The following KANSL3 variants were observed in gnomAD, a reference collection of about 807,000 sequenced individuals.
KANSL3 encodes NSL complex protein NSL3.
A neutral mutation model predicts 89.2 loss-of-function variants in KANSL3; 16 were observed. The observed-to-expected ratio is 0.18, with a 90% CI of 0.12 to 0.27. KANSL3 has a LOEUF of 0.27. Among genes scored for constraint, KANSL3 ranks in the 10% least tolerant of loss-of-function variants. The probability of loss-of-function intolerance (pLI) is 1.00; values close to 1 mark genes in which losing one functional copy is unlikely to be tolerated. For missense variants in KANSL3, 879 were observed against 1,110.6 expected, an observed-to-expected ratio of 0.79 and a Z score of 2.96; for synonymous variants, 385 against 419.7, an observed-to-expected ratio of 0.92 and a Z score of 1.01.
At chr2:96,599,586 TAA>T (rs1314160209) in intron 20 of KANSL3, 1 of 158,138 alleles carries the variant, frequency 6.3e-6, no homozygotes, top group Non-Finnish European at 1.4e-5. Flanking sequence ...GATCTAGAAA[TAA>T]AAGTTAAAAG....
intron 5 of KANSL3, chr2:96,615,641 G>C (rs534365255): frequency 8.4e-6 from 4 of 477,298 alleles, no homozygotes; most frequent in Non-Finnish European, 1.1e-5. Context: ...ACGGTTTGAT[G>C]CAAGTTGTAA....
chr2:96,616,241 C>A (rs1289565436), intron 5 of KANSL3, among the ~76,000 whole-genome samples: 3 of 152,238 alleles, frequency 2.0e-5, no homozygotes, highest in Non-Finnish European at 4.4e-5. Flanking sequence ...CACTCTAGAA[C>A]TGTGAGCCAC....
chr2:96,609,116 G>A (rs975266112), intron 12 of KANSL3, 52 bp from the exon 13 acceptor site: 2 of 1,460,968 alleles, frequency 1.4e-6, no homozygotes, highest in Non-Finnish European at 1.9e-6. Context: ...CTGGAGAATG[G>A]GAACCTCTCA....
the KANSL3 span, among the ~76,000 whole-genome samples, chr2:96,585,018 C>T: frequency 3.9e-5 from 6 of 152,264 alleles, no homozygotes; most frequent in Middle Eastern, 3.4e-3. Context: ...TCAAACGCTG[C>T]GGTGGATGTG....
chr2:96,613,462 G>A (rs2069384390), intron 6 of KANSL3, 26 bp downstream of exon 6: 6 of 1,593,214 alleles, frequency 3.8e-6, no homozygotes, highest in Non-Finnish European at 5.1e-6. Context: ...ATGTACCATT[G>A]TTAAGTCCTG....
chr2:96,602,943 C>A (rs1477237257), intron 17 of KANSL3, 81 bp from the exon 18 acceptor site: 2 of 1,320,028 alleles, frequency 1.5e-6, no homozygotes, highest in East Asian at 2.3e-5. Context: ...TCCACCCTCA[C>A]CACCAACTAA....
At chr2:96,604,984 G>C in intron 15 of KANSL3, 121 bp from the exon 16 acceptor site, 1 of 790,334 alleles carries the variant, frequency 1.3e-6, no homozygotes, top group Admixed American at 2.9e-5. Flanking sequence ...GAAAAAAGAT[G>C]AACTATGCTA....
At chr2:96,633,791 G>A (rs1255661575) in intron 2 of KANSL3, among the ~76,000 whole-genome samples, 2 of 152,036 alleles carry the variant, frequency 1.3e-5, no homozygotes, top group African/African-American at 2.4e-5. Context: ...CTTGAATCCG[G>A]GAGGCGGAGG....
rs2105017719 is a variant in KANSL3 at position 96,601,655 on chromosome 2, G to A, written c.2604C>T (p.Pro868=). The change falls in exon 20 of 21, where the codon CCC becomes CCT. Residue 868 remains proline, a synonymous_variant. Transcript: ENST00000431828. ...PSEESSSQVL[P]SSSQRLPPAP is the part of the protein sequence containing the mutation. Reference sequence around the variant, plus strand: ...CTGGCAGACTCACCTGTGAGCTGGAGGGCAGCACCTGGGAAGAGGACTCCT... The same window carrying A: ...CTGGCAGACTCACCTGTGAGCTGGAAGGCAGCACCTGGGAAGAGGACTCCT... 1 of 1,613,538 alleles carries A rather than the reference G, an allele frequency of 6.2e-7. No individual in the cohort carries two copies. Among genetic ancestry groups the A allele is most frequent in the Non-Finnish European group, 8.5e-7 (1 of 1,179,716 alleles).
rs1246236976 is a variant in KANSL3 at position 96,605,400 on chromosome 2, G to C, written c.1853C>G (p.Pro618Arg). ...PLPGSKTSKRPKIKVSLISQG... is the reference protein window; with the variant it reads ...PLPGSKTSKRRKIKVSLISQG... ...GGAGATAAGGGACACCTTGATCTTC[G>C]GTCGTTTGGAGGTCTTACTGCCAGG... Residue 618 changes from proline (P) to arginine (R), a missense_variant, in exon 15 of 21, where the codon CCG becomes CGG. By Grantham distance (103) the Pro-to-Arg change is moderately radical. Around this residue, in one of 6 missense-constraint regions of KANSL3, gnomAD observed 317 missense variants for 311.2 expected, o/e 1.02. Coordinates refer to ENST00000431828, the MANE Select transcript of KANSL3 (RefSeq NM_001115016.3). 2 of 1,613,910 alleles carry C rather than the reference G, an allele frequency of 1.2e-6. No homozygotes were observed. Among genetic ancestry groups the C allele is most frequent in the East Asian group, 2.2e-5 (1 of 44,888 alleles).
At chr2:96,583,801 T>G in the KANSL3 span, among the ~76,000 whole-genome samples, 2 of 152,226 alleles carry the variant, frequency 1.3e-5, no homozygotes, top group African/African-American at 4.8e-5. Context: ...GCTCAAACAG[T>G]TCTTCAAAGT....
intron 3 of KANSL3, among the ~76,000 whole-genome samples, chr2:96,623,123 C>T (rs2071614086): frequency 6.6e-6 from 1 of 152,192 alleles, no homozygotes; most frequent in Admixed American, 6.5e-5. Flanking sequence ...GCACATAAAA[C>T]AGAGCCTCAC....
chr2:96,587,545 G>A, the KANSL3 span, among the ~76,000 whole-genome samples: 3 of 152,160 alleles, frequency 2.0e-5, no homozygotes, highest in African/African-American at 4.8e-5. Context: ...GTCAGATGAG[G>A]CCTGCTAAAA....
At chr2:96,601,280 T>C in intron 20 of KANSL3, 1 of 979,462 alleles carries the variant, frequency 1.0e-6, no homozygotes, top group Non-Finnish European at 1.2e-6. Flanking sequence ...AAAATAAAAA[T>C]AAAAACAAAG....
At position 96,612,946 on chromosome 2, in the gene KANSL3, G is replaced by T; in HGVS notation, c.796-12C>A. ...CCAGGGAGTTTGCTCTAAAGAGGAA[G>T]AATCCCACCCAAAAACCAGTGAGTG... On this transcript the variant is annotated splice_polypyrimidine_tract_variant and intron_variant, in intron 6 of 20. Transcript: ENST00000431828. 1.3e-6 allele frequency: 2 copies of T among 1,529,850 alleles called. No individual in the cohort carries two copies. Among genetic ancestry groups the T allele is most frequent in the Non-Finnish European group, 1.8e-6 (2 of 1,126,596 alleles). 94.8% of individuals were successfully genotyped at this position (1,529,850 alleles called of 1,614,324 possible). A position where few individuals can be genotyped will look rare whatever the true frequency, so the allele number is the denominator to read the frequency against.
chr2:96,637,048 G>A lies in KANSL3; in HGVS notation c.88C>T (p.Arg30Trp), dbSNP rs2074342489. ...SLLFQLSVHE[R>W]ELDLVFLDHS... ...TCCAGAAAAACCAGGTCCAGCTCCC[G>A]TTCATGCACTGAAAGCTGGAAGAGC... Residue 30 changes from arginine to tryptophan, a missense_variant, in exon 2 of 21, where the codon CGG (arginine) becomes TGG (tryptophan). Around this residue, in one of 6 missense-constraint regions of KANSL3, gnomAD observed 210 missense variants for 311.9 expected, o/e 0.67. Transcript: ENST00000431828. 2 of 1,551,554 alleles carry A rather than the reference G, an allele frequency of 1.3e-6. No homozygotes were observed. Among genetic ancestry groups the A allele is most frequent in the East Asian group, 2.4e-5 (1 of 40,938 alleles).
At chr2:96,632,051 T>C (rs544408135) in intron 2 of KANSL3, among the ~76,000 whole-genome samples, 18 of 149,788 alleles carry the variant, frequency 1.2e-4, no homozygotes, top group Non-Finnish European at 2.1e-4. Flanking sequence ...GTCTCAAAAA[T>C]AAATAAATAA....
At chr2:96,610,962 A>G (rs2068818865) in intron 10 of KANSL3, 79 bp from the exon 11 acceptor site, 2 of 1,586,714 alleles carry the variant, frequency 1.3e-6, no homozygotes, top group African/African-American at 1.3e-5. Context: ...AAGGAGGATC[A>G]GCCATGCAAC....
intron 3 of KANSL3, among the ~76,000 whole-genome samples, chr2:96,627,177 A>G (rs896837524): frequency 3.9e-5 from 6 of 152,324 alleles, no homozygotes; most frequent in Middle Eastern, 3.4e-3. Context: ...AGCCATTAAT[A>G]AAGAAAGCCA....
Sources: allele counts gnomAD v4.1 joint callset (sites outside exome capture counted in the v4.1 genomes callset), GRCh38; gene constraint gnomAD v4.1.1; regional missense constraint gnomAD v4.1.1; transcripts MANE v1.5; gene names NCBI Gene and HGNC (gene_info 2026-07-23, HGNC 2026-07-21).